Variants in ADGRB3 observed in about 807,000 individuals in gnomAD.
ADGRB3 encodes brain-specific angiogenesis inhibitor 3.
In ADGRB3, 37 loss-of-function variants were observed where a neutral mutation model predicts 193.4. The observed-to-expected ratio is 0.19, with a 90% CI of 0.15 to 0.25. The LOEUF is 0.25. ADGRB3 is among the 10% of genes least tolerant of loss of function. The pLI is 1.00. For missense variants in ADGRB3, 1,637 were observed against 1,852.9 expected, an observed-to-expected ratio of 0.88 and a Z score of 2.14; for synonymous variants, 690 against 644.2, an observed-to-expected ratio of 1.07 and a Z score of -1.08.
intron 3 of ADGRB3, among the ~76,000 whole-genome samples, chr6:68,750,131 T>C (rs1012051968): frequency 1.3e-5 from 2 of 152,160 alleles, no homozygotes; most frequent in African/African-American, 4.8e-5. Flanking sequence ...AATATCAGTA[T>C]CCACATATTT....
At chr6:69,208,180 G>A (rs1458198304) in intron 17 of ADGRB3, among the ~76,000 whole-genome samples, 1 of 152,214 alleles carries the variant, frequency 6.6e-6, no homozygotes, top group Non-Finnish European at 1.5e-5. Flanking sequence ...TAACAGGGGT[G>A]GCTGGGGAAA....
intron 3 of ADGRB3, among the ~76,000 whole-genome samples, chr6:68,808,069 A>G (rs1233287039): frequency 6.6e-6 from 1 of 152,212 alleles, no homozygotes; most frequent in East Asian, 1.9e-4. Context: ...TTCCAGGTCA[A>G]ATGGATCCAA....
chr6:69,355,489 C>T (rs188179440), intron 27 of ADGRB3, among the ~76,000 whole-genome samples: 47 of 152,298 alleles, frequency 3.1e-4, no homozygotes, highest in African/African-American at 1.1e-3. Flanking sequence ...TAATAATTCA[C>T]ATTCTGATGT....
intron 11 of ADGRB3, among the ~76,000 whole-genome samples, chr6:69,010,235 C>G (rs984783603): frequency 6.6e-6 from 1 of 151,998 alleles, no homozygotes; most frequent in African/African-American, 2.4e-5. Flanking sequence ...TCCCTGAAAC[C>G]CTCTCCCACC....
chr6:68,824,236 T>TATTTCC (rs10666325), intron 3 of ADGRB3, among the ~76,000 whole-genome samples: 1 of 151,900 alleles, frequency 6.6e-6, no homozygotes, highest in African/African-American at 2.4e-5. Flanking sequence ...TTTCTATTTC[T>TATTTCC]TTATATCTCT....
chr6:69,295,329 G>T (rs774803077), intron 20 of ADGRB3, among the ~76,000 whole-genome samples: 5 of 152,136 alleles, frequency 3.3e-5, no homozygotes, highest in Non-Finnish European at 7.4e-5. Flanking sequence ...CAAGCCTTAG[G>T]CTAGGACTAT....
At chr6:68,914,425 T>G (rs1766818135) in intron 3 of ADGRB3, among the ~76,000 whole-genome samples, 3 of 152,054 alleles carry the variant, frequency 2.0e-5, no homozygotes, top group Admixed American at 6.6e-5. Flanking sequence ...AACCCAGAAT[T>G]TCATATCCAG....
At chr6:69,346,452 A>C (rs559532531) in intron 26 of ADGRB3, among the ~76,000 whole-genome samples, 37 of 152,326 alleles carry the variant, frequency 2.4e-4, no homozygotes, top group Non-Finnish European at 4.6e-4. Context: ...TTTGCAATCT[A>C]TCCAACTGAC....
chr6:69,078,719 G>A (rs1772303399), intron 17 of ADGRB3, among the ~76,000 whole-genome samples: 1 of 151,812 alleles, frequency 6.6e-6, no homozygotes, highest in Admixed American at 6.6e-5. Context: ...CCAAAATGTT[G>A]CCCTGTTGTT....
At position 69,155,458 on chromosome 6, in the gene ADGRB3, G is replaced by A. The variant is rs143628797; in HGVS notation, c.2481-77832G>A. Among the ~76,000 whole-genome samples, 342 of 152,268 alleles carry A rather than the reference G, an allele frequency of 2.2e-3. 9 individuals are homozygous for A. The highest frequency in any genetic ancestry group is 0.018 in the Admixed American group (268 of 15,298). On this transcript the variant is annotated intron_variant, in intron 17 of 31. Coordinates refer to ENST00000370598, the MANE Select transcript of ADGRB3 (RefSeq NM_001704.3). ...AGGAAAATACAAAATTCAACATTATGCCATCATGTACCACAGGGAATACCT... is the reference window on the plus strand; with the variant it reads ...AGGAAAATACAAAATTCAACATTATACCATCATGTACCACAGGGAATACCT...
intron 3 of ADGRB3, among the ~76,000 whole-genome samples, chr6:68,858,603 A>AAC (rs1184961152): frequency 6.6e-6 from 1 of 151,708 alleles, no homozygotes; most frequent in Non-Finnish European, 1.5e-5. Context: ...AAAAAAAAAA[A>AAC]AAAAAAAACA....
chr6:69,004,995 G>A (rs1769704703), intron 11 of ADGRB3, among the ~76,000 whole-genome samples: 1 of 152,012 alleles, frequency 6.6e-6, no homozygotes, highest in East Asian at 1.9e-4. Flanking sequence ...GCCCTTAAGT[G>A]TATCAGCCAG....
intron 3 of ADGRB3, among the ~76,000 whole-genome samples, chr6:68,899,375 T>C (rs1766329364): frequency 6.6e-6 from 1 of 151,814 alleles, no homozygotes; most frequent in Non-Finnish European, 1.5e-5. Flanking sequence ...TGTGCCATGC[T>C]GGTGCACTGC....
At chr6:69,011,390 C>T (rs183186954) in intron 11 of ADGRB3, among the ~76,000 whole-genome samples, 1 of 151,920 alleles carries the variant, frequency 6.6e-6, no homozygotes, top group Non-Finnish European at 1.5e-5. Flanking sequence ...AAACCAAATA[C>T]TGCATGTTCT....
rs543389479 is a variant in ADGRB3, at chr6:68,715,654, A to G, written c.757+76222A>G. ...GGGAAAGAAATTGTTTAGTAAATGT[A>G]TGGGCAATTAATATACTTTGTTTAA... On this transcript the variant is annotated intron_variant, in intron 3 of 31. Transcript: ENST00000370598. 5.3e-5 allele frequency among the ~76,000 whole-genome samples: 8 copies of G among 151,928 alleles called. No individual in the cohort carries two copies. The South Asian group carries it at 1.7e-3, about 31-fold the overall frequency.
chr6:68,808,735 A>G, intron 3 of ADGRB3, among the ~76,000 whole-genome samples: 1 of 151,958 alleles, frequency 6.6e-6, no homozygotes, highest in East Asian at 1.9e-4. Context: ...AGGAGAGAAA[A>G]AAGGAGGAGG....
intron 17 of ADGRB3, among the ~76,000 whole-genome samples, chr6:69,218,327 A>G (rs139241664): frequency 1.5e-3 from 225 of 152,216 alleles, no homozygotes; most frequent in Non-Finnish European, 2.7e-3. Flanking sequence ...TCCCCCTCAT[A>G]TCATAATTTT....
At chr6:69,106,007 G>A (rs558118634) in intron 17 of ADGRB3, among the ~76,000 whole-genome samples, 6 of 151,634 alleles carry the variant, frequency 4.0e-5, no homozygotes, top group East Asian at 1.9e-4. Context: ...ATGGTGGCTC[G>A]TGCCTGTAAT....
chr6:69,095,305 G>T (rs1772840638), intron 17 of ADGRB3, among the ~76,000 whole-genome samples: 1 of 151,824 alleles, frequency 6.6e-6, no homozygotes, highest in Non-Finnish European at 1.5e-5. Flanking sequence ...ACTTGATCAT[G>T]GGAGGCCTTC....
Sources: allele counts gnomAD v4.1 joint callset (sites outside exome capture counted in the v4.1 genomes callset), GRCh38; gene constraint gnomAD v4.1.1; transcripts MANE v1.5; gene names NCBI Gene and HGNC (gene_info 2026-07-23, HGNC 2026-07-21).